The following UNC79 variants were observed in gnomAD, a reference collection of about 807,000 sequenced individuals.
The protein encoded by UNC79 is protein unc-79 homolog.
Under a neutral mutation model 283.1 loss-of-function variants are expected in UNC79, and 37 were observed. The ratio of observed to expected loss-of-function variants is 0.13; its 90% CI spans 0.10 to 0.17. The LOEUF (loss-of-function observed/expected upper bound fraction) is 0.17, where lower values mean the gene tolerates loss of function less well. Ranked by LOEUF, UNC79 falls within the 10% of genes least tolerant of loss-of-function variation. The probability of loss-of-function intolerance (pLI) is 1.00; values close to 1 mark genes in which losing one functional copy is unlikely to be tolerated. For synonymous variants in UNC79, 1,107 were observed against 1,200.2 expected (o/e 0.92, Z 1.61); for missense variants, 2,272 against 3,211.1 (o/e 0.71, Z 7.07).
intron 1 of UNC79, chr14:93,347,506 C>T: frequency 3.2e-6 from 4 of 1,238,854 alleles, no homozygotes; most frequent in Non-Finnish European, 4.2e-6. Flanking sequence ...GTGGGAGGCT[C>T]TTGTGGCTTG....
chr14:93,374,757 A>AG (rs2054521615), intron 1 of UNC79, among the ~76,000 whole-genome samples: 1 of 152,186 alleles, frequency 6.6e-6, no homozygotes, highest in African/African-American at 2.4e-5. Context: ...ACGTTATGCA[A>AG]GCTGGTCTCA....
intron 1 of UNC79, among the ~76,000 whole-genome samples, chr14:93,453,840 C>T (rs1218403037): frequency 6.6e-6 from 1 of 152,174 alleles, no homozygotes; most frequent in African/African-American, 2.4e-5. Context: ...GTATTAATTT[C>T]TTCATCACAT....
intron 1 of UNC79, among the ~76,000 whole-genome samples, chr14:93,442,300 C>T (rs1324064719): frequency 1.3e-5 from 2 of 152,050 alleles, no homozygotes; most frequent in Non-Finnish European, 2.9e-5. Context: ...TTGGCATTTT[C>T]TCTTGAGATC....
intron 6 of UNC79, 62 bp downstream of exon 6, chr14:93,496,528 C>G: frequency 4.2e-6 from 5 of 1,190,620 alleles, no homozygotes; most frequent in Non-Finnish European, 5.7e-6. Context: ...ACAGTAAAAA[C>G]TGTTTACGTA....
chr14:93,356,025 AC>A (rs2054079314), intron 1 of UNC79, among the ~76,000 whole-genome samples: 1 of 108,722 alleles, frequency 9.2e-6, no homozygotes, highest in East Asian at 2.3e-4. Context: ...TTACTAGTGT[AC>A]TTTTTTTTTT....
rs147741526 is a variant in UNC79, at chr14:93,703,766, A to G, written c.7549-859A>G. On this transcript the variant is annotated intron_variant, in intron 47 of 48. Coordinates refer to ENST00000555664, the Ensembl canonical transcript of UNC79. The stretch of plus-strand genomic sequence containing the variant: ...TTAAAGATCTGAGAAGTACTGAAAT[A>G]TAGAAACTAACATTTCCAAACCTAT... Among the ~76,000 whole-genome samples the G allele has an allele frequency of 2.4e-3, 365 of 152,352 alleles. 3 individuals carry two copies. Among genetic ancestry groups the G allele is most frequent in the Non-Finnish European group, 3.5e-3 (240 of 68,030 alleles).
At chr14:93,704,787 T>C (rs2141095020) in intron 48 of UNC79, 121 bp downstream of exon 51, 1 of 1,274,936 alleles carries the variant, frequency 7.8e-7, no homozygotes, top group Admixed American at 1.7e-5. Flanking sequence ...CTCCTGGCCT[T>C]AGAGGGCTGA....
intron 24 of UNC79, among the ~76,000 whole-genome samples, chr14:93,598,377 TG>T (rs2065234857): frequency 6.6e-6 from 1 of 151,074 alleles, no homozygotes; most frequent in Non-Finnish European, 1.5e-5. Flanking sequence ...TGTGTGTGTG[TG>T]TGTGTGTGTG....
intron 30 of UNC79, among the ~76,000 whole-genome samples, chr14:93,629,236 C>G (rs571578245): frequency 1.2e-4 from 19 of 152,242 alleles, no homozygotes; most frequent in African/African-American, 4.6e-4. Flanking sequence ...TAGGCATACC[C>G]AAACTCTAAA....
At chr14:93,551,415 G>A (rs180763274) in intron 14 of UNC79, among the ~76,000 whole-genome samples, 2 of 152,256 alleles carry the variant, frequency 1.3e-5, no homozygotes, top group African/African-American at 4.8e-5. Flanking sequence ...GGCTGGGTTG[G>A]GCAGTGCATG....
chr14:93,646,498 A>T, intron 34 of UNC79, 110 bp from the exon 38 acceptor site: 1 of 1,029,498 alleles, frequency 9.7e-7, no homozygotes, highest in South Asian at 1.4e-5. Flanking sequence ...TCAACATTAT[A>T]CATGTCTCCC....
intron 1 of UNC79, among the ~76,000 whole-genome samples, chr14:93,382,520 G>T (rs2054684297): frequency 6.6e-6 from 1 of 152,028 alleles, no homozygotes; most frequent in African/African-American, 2.4e-5. Flanking sequence ...ACAAAATAGG[G>T]CTTAATAAAT....
chr14:93,377,624 C>G (rs2054588198), intron 1 of UNC79, among the ~76,000 whole-genome samples: 1 of 152,182 alleles, frequency 6.6e-6, no homozygotes, highest in African/African-American at 2.4e-5. Context: ...CTCTCAAACT[C>G]TACATTTAGG....
chr14:93,668,566 G>A (rs1055885048), intron 40 of UNC79, among the ~76,000 whole-genome samples: 4 of 151,540 alleles, frequency 2.6e-5, no homozygotes, highest in South Asian at 2.1e-4. Flanking sequence ...AAAATTAGGC[G>A]GGGCAAAGTG....
chr14:93,437,093 G>A (rs2056112496), intron 1 of UNC79, among the ~76,000 whole-genome samples: 1 of 152,046 alleles, frequency 6.6e-6, no homozygotes, highest in African/African-American at 2.4e-5. Flanking sequence ...ACAAATGCAT[G>A]TGTATATACA....
At chr14:93,371,609 G>C (rs2054448696) in intron 1 of UNC79, among the ~76,000 whole-genome samples, 1 of 152,092 alleles carries the variant, frequency 6.6e-6, no homozygotes, top group Non-Finnish European at 1.5e-5. Context: ...GGGAGGCCGA[G>C]GCGGGTGGAT....
At chr14:93,494,063 C>A (rs1339215546) in intron 5 of UNC79, among the ~76,000 whole-genome samples, 1 of 151,354 alleles carries the variant, frequency 6.6e-6, no homozygotes, top group African/African-American at 2.4e-5. Flanking sequence ...ACCACCACAC[C>A]CAGCTAATTT....
At chr14:93,460,399 A>C (rs937835679) in intron 1 of UNC79, among the ~76,000 whole-genome samples, 1 of 151,132 alleles carries the variant, frequency 6.6e-6, no homozygotes, top group African/African-American at 2.4e-5. Context: ...GATCCCAGCT[A>C]CTCAGGAGGC....
intron 14 of UNC79, among the ~76,000 whole-genome samples, chr14:93,557,313 G>T (rs770129046): frequency 6.6e-6 from 1 of 152,108 alleles, no homozygotes; most frequent in African/African-American, 2.4e-5. Flanking sequence ...TGTCTTTGCC[G>T]GTATCTTAGG....
Sources: gnomAD v4.1 joint callset for allele counts (sites outside exome capture counted in the v4.1 genomes callset) on GRCh38, gnomAD v4.1.1 for gene constraint, MANE v1.5 for transcripts, NCBI Gene and HGNC (gene_info 2026-07-23, HGNC 2026-07-21) for gene names.